Variants in SCML1 observed in about 807,000 individuals in gnomAD.
SCML1 encodes sex comb on midleg-like protein 1.
For synonymous variants in SCML1, 104 were observed against 103.6 expected (o/e 1.00, Z -0.02); for missense variants, 137 against 258.1 (o/e 0.53, Z 3.22).
intron 1 of SCML1, among the ~76,000 whole-genome samples, chrX:17,740,440 C>T (rs1447686714): frequency 9.1e-6 from 1 of 110,263 alleles, no homozygotes; most frequent in African/African-American, 3.3e-5. Flanking sequence ...AAGCACTTGA[C>T]ATGTATTAAT....
At chrX:17,748,134 A>C (rs1295362432) in intron 4 of SCML1, among the ~76,000 whole-genome samples, 1 of 111,647 alleles carries the variant, frequency 9.0e-6, no homozygotes, top group Non-Finnish European at 1.9e-5. Context: ...TGATGCTACC[A>C]GTCCGTGGAC....
chrX:17,748,649 G>A (rs1417970622), intron 4 of SCML1, among the ~76,000 whole-genome samples: 1 of 112,315 alleles, frequency 8.9e-6, no homozygotes, highest in African/African-American at 3.2e-5. Flanking sequence ...CTTTGTTTAA[G>A]TGTATTTTTC....
intron 2 of SCML1, chrX:17,745,208 T>C (rs966026698): frequency 1.6e-5 from 4 of 252,444 alleles, no homozygotes; most frequent in South Asian, 3.2e-4. Context: ...GACTAGTCTT[T>C]CTACCATGAA....
intron 6 of SCML1, 61 bp from the exon 7 acceptor site, chrX:17,751,754 A>G: frequency 1.8e-6 from 2 of 1,103,558 alleles, no homozygotes; most frequent in Non-Finnish European, 2.5e-6. Flanking sequence ...CTCTTCTTTC[A>G]GGATAATGAT....
At chrX:17,749,295 C>T (rs965015798) in intron 4 of SCML1, 105 bp from the exon 5 acceptor site, 5 of 487,594 alleles carry the variant, frequency 1.0e-5, no homozygotes, top group Non-Finnish European at 1.6e-5. Context: ...TTGTGTCTAG[C>T]AGTTAACATT....
At position 17,754,475 on chromosome X, in the gene SCML1, A is replaced by G. The variant is rs190948569; in HGVS notation, c.*1083A>G. The G allele has an allele frequency of 8.0e-4, 90 of 112,677 alleles. No homozygotes were observed. The highest frequency in any genetic ancestry group is 2.7e-3 in the African/African-American group (85 of 31,046). The allele number at this position is 112,677 out of a possible 1,213,427, so 9.3% of individuals were successfully genotyped here. ...TCCATACAGGGAAGTTCTCCGTCCT[A>G]TGCAATGTTTCTAATTAATTTGCTT... On this transcript the variant is annotated 3_prime_UTR_variant, in exon 8 of 8. Coordinates refer to ENST00000380041, the MANE Select transcript of SCML1 (RefSeq NM_001037540.3).
At chrX:17,752,125 T>C (rs900766144) in intron 7 of SCML1, among the ~76,000 whole-genome samples, 159 bp downstream of exon 7, 15 of 112,134 alleles carry the variant, frequency 1.3e-4, no homozygotes, top group African/African-American at 4.9e-4. Context: ...CCTTAAATGG[T>C]AGGCTAATGG....
upstream of SCML1, among the ~76,000 whole-genome samples, chrX:17,737,195 C>T (rs994532528): frequency 1.8e-5 from 2 of 109,522 alleles, no homozygotes; most frequent in African/African-American, 6.7e-5. Flanking sequence ...CGAAGGAAAA[C>T]CTGAGGTAAG....
At chrX:17,748,595 GTGAATGAA>G (rs753200537) in intron 4 of SCML1, among the ~76,000 whole-genome samples, 2 of 111,743 alleles carry the variant, frequency 1.8e-5, no homozygotes, top group Middle Eastern at 4.6e-3. Context: ...AGTTGAATGA[GTGAATGAA>G]TGAATGAATG....
intron 1 of SCML1, among the ~76,000 whole-genome samples, chrX:17,739,882 T>G (rs2066578567): frequency 9.2e-6 from 1 of 108,645 alleles, no homozygotes; most frequent in Non-Finnish European, 1.9e-5. Context: ...AAATTTAGAT[T>G]TCTGTGGTAA....
intron 5 of SCML1, 35 bp downstream of exon 5, chrX:17,749,539 T>A: frequency 1.1e-6 from 1 of 901,002 alleles, no homozygotes; most frequent in Non-Finnish European, 1.6e-6. Flanking sequence ...ACAACTGTGA[T>A]AAACCTCTGG....
intron 1 of SCML1, among the ~76,000 whole-genome samples, chrX:17,741,032 A>G (rs370400798): frequency 2.7e-5 from 3 of 111,755 alleles, no homozygotes; most frequent in African/African-American, 9.8e-5. Flanking sequence ...GCTTGTAACC[A>G]TTGTCTGCAA....
At chrX:17,753,236 G>C (rs370909167) in intron 7 of SCML1, 22 bp from the exon 8 acceptor site, 4 of 1,099,510 alleles carry the variant, frequency 3.6e-6, no homozygotes, top group Non-Finnish European at 4.8e-6. Flanking sequence ...ATTAATTATC[G>C]TTAAGTTTCT....
intron 4 of SCML1, among the ~76,000 whole-genome samples, chrX:17,748,858 C>A (rs933109731): frequency 1.8e-5 from 2 of 112,141 alleles, no homozygotes; most frequent in Non-Finnish European, 3.8e-5. Context: ...GTGTACTTAA[C>A]GGTTTTGTAA....
intron 4 of SCML1, 106 bp downstream of exon 4, chrX:17,746,204 CAATT>C (rs2066640967): frequency 2.5e-6 from 1 of 405,856 alleles, no homozygotes; most frequent in African/African-American, 2.6e-5. Flanking sequence ...TTTTGCCTAT[CAATT>C]TATTTATGAT....
chrX:17,753,386 A>G lies in SCML1; in HGVS notation c.984A>G (p.Glu328=). The G allele has an allele frequency of 8.9e-7, 1 of 1,125,861 alleles. No homozygotes were observed. Among genetic ancestry groups the G allele is most frequent in the Non-Finnish European group, 1.2e-6 (1 of 848,636 alleles). The allele number at this position is 1,125,861 out of a possible 1,213,427, so 92.8% of individuals were successfully genotyped here. The change falls in exon 8 of 8, where the codon GAA becomes GAG. Residue 328 remains glutamate (E), a synonymous_variant. Coordinates refer to ENST00000380041, the MANE Select transcript of SCML1 (RefSeq NM_001037540.3). ...IDRLKQGKCF[E]N ...GACTTAAACAAGGAAAATGCTTTGA[A>G]AATTGAAAAAATCCTTGTGCAAATT...
Position 17,754,454 on chromosome X carries a change from T to C in SCML1, c.*1062T>C, listed in dbSNP as rs992352088. ...GAAACAATCTGTAGATTGGTTTCCA[T>C]ACAGGGAAGTTCTCCGTCCTATGCA... On this transcript the variant is annotated 3_prime_UTR_variant, in exon 8 of 8. Coordinates refer to ENST00000380041, the MANE Select transcript of SCML1 (RefSeq NM_001037540.3). 5 of 112,393 alleles carry C rather than the reference T, an allele frequency of 4.4e-5. No individual in the cohort carries two copies. The highest frequency in any genetic ancestry group is 1.6e-4 in the African/African-American group (5 of 30,960). 9.3% of individuals were successfully genotyped at this position (112,393 alleles called of 1,213,427 possible).
chrX:17,747,260 C>T (rs758418917), intron 4 of SCML1, among the ~76,000 whole-genome samples: 61 of 111,761 alleles, frequency 5.5e-4, no homozygotes, highest in Middle Eastern at 4.6e-3. Flanking sequence ...TTGCTGCTTT[C>T]TGCATCTAGT....
At chrX:17,738,133 C>T (rs6654022) in intron 1 of SCML1, among the ~76,000 whole-genome samples, 1,727 of 112,646 alleles carry the variant, frequency 0.015, 43 homozygotes, top group African/African-American at 0.053. Flanking sequence ...TAGAGACAGA[C>T]TGTGCAGCTT....
Sources: allele counts gnomAD v4.1 joint callset (sites outside exome capture counted in the v4.1 genomes callset), GRCh38; gene constraint gnomAD v4.1.1; transcripts MANE v1.5; gene names NCBI Gene and HGNC (gene_info 2026-07-23, HGNC 2026-07-21).